SLC13A3: variants seen among roughly 807,000 people sequenced by gnomAD.
The protein encoded by SLC13A3 is solute carrier family 13 member 3.
Under a neutral mutation model 59.0 loss-of-function variants are expected in SLC13A3, and 40 were observed. The observed-to-expected ratio is 0.68, with a 90% CI of 0.53 to 0.88. The LOEUF (loss-of-function observed/expected upper bound fraction) is 0.88, where lower values mean the gene tolerates loss of function less well. Ranked by LOEUF, SLC13A3 falls within the 40% of genes least tolerant of loss-of-function variation. SLC13A3 has a pLI of 0.00. For missense variants in SLC13A3, 699 were observed against 783.2 expected (o/e 0.89, Z 1.28); for synonymous variants, 317 against 330.3 (o/e 0.96, Z 0.44).
At chr20:46,609,029 C>T (rs1396899548) in intron 3 of SLC13A3, 3 of 1,550,424 alleles carry the variant, frequency 1.9e-6, no homozygotes, top group East Asian at 4.9e-5. Context: ...TCAGCCTTTC[C>T]TCAGAGAGGA....
At chr20:46,664,557 A>G (rs1215508187) in intron 1 of SLC13A3, among the ~76,000 whole-genome samples, 8 of 152,366 alleles carry the variant, frequency 5.3e-5, no homozygotes, top group Admixed American at 5.2e-4. Flanking sequence ...TAAGACTAAA[A>G]AATTAAAATC....
chr20:46,606,341 G>A (rs982590017), intron 3 of SLC13A3, among the ~76,000 whole-genome samples: 4 of 152,188 alleles, frequency 2.6e-5, no homozygotes, highest in Non-Finnish European at 4.4e-5. Flanking sequence ...CGTTTCTCAC[G>A]TAAGAGGCAG....
At chr20:46,564,227 T>C (rs975544204) in intron 11 of SLC13A3, among the ~76,000 whole-genome samples, 1 of 152,264 alleles carries the variant, frequency 6.6e-6, no homozygotes. Context: ...AGAGCATCTG[T>C]TGGCAGCTCT....
rs527570496 is a variant in SLC13A3, at chr20:46,676,982, C to T, written c.-31+7414G>A. On this transcript the variant is annotated intron_variant, in intron 1 of 6. Transcript: ENST00000372121. ...CCAGGCTGGAGTGCAGTGGCGATCT[C>T]GGCTCACTGCAACCCCCATCTCCTG... Among the ~76,000 whole-genome samples the T allele has an allele frequency of 5.3e-5, 8 of 152,326 alleles. No homozygotes were observed. The East Asian group carries it at 1.4e-3, about 26-fold the overall frequency.
At chr20:46,592,611 G>A in intron 5 of SLC13A3, 82 bp from the exon 6 acceptor site, 2 of 1,420,990 alleles carry the variant, frequency 1.4e-6, no homozygotes, top group Non-Finnish European at 2.0e-6. Context: ...GGCAGTACTA[G>A]TAGCAGCGGG....
chr20:46,563,013 C>T (rs2061944230), intron 12 of SLC13A3, among the ~76,000 whole-genome samples: 1 of 152,190 alleles, frequency 6.6e-6, no homozygotes, highest in African/African-American at 2.4e-5. Flanking sequence ...CTGGGCCCTG[C>T]TGAAAGCTGG....
intron 10 of SLC13A3, among the ~76,000 whole-genome samples, chr20:46,572,174 C>A (rs1438708496): frequency 6.6e-6 from 1 of 152,144 alleles, no homozygotes; most frequent in African/African-American, 2.4e-5. Context: ...GCCCACACAC[C>A]CAGGCTCACC....
At chr20:46,590,020 T>G (rs1372218170) in intron 6 of SLC13A3, among the ~76,000 whole-genome samples, 1 of 152,186 alleles carries the variant, frequency 6.6e-6, no homozygotes, top group East Asian at 1.9e-4. Context: ...GGCAACAGTT[T>G]CTTCAATATT....
intron 1 of SLC13A3, among the ~76,000 whole-genome samples, chr20:46,626,966 A>G (rs847073): frequency 0.68 from 103,869 of 152,048 alleles, 37,093 homozygotes; most frequent in African/African-American, 0.89. Context: ...CCCCTCCAGG[A>G]AGTCCATCTC....
intron 1 of SLC13A3, among the ~76,000 whole-genome samples, chr20:46,647,438 C>T (rs917972790): frequency 6.6e-6 from 1 of 152,094 alleles, no homozygotes; most frequent in African/African-American, 2.4e-5. Context: ...CCATCTGTGC[C>T]CACTAGCTAA....
intron 1 of SLC13A3, among the ~76,000 whole-genome samples, chr20:46,639,110 A>G (rs924587028): frequency 5.3e-5 from 8 of 151,116 alleles, no homozygotes; most frequent in Admixed American, 4.6e-4. Flanking sequence ...AAGCACGAAG[A>G]GGTTAAGTAA....
At chr20:46,613,422 C>T (rs779901399) in intron 2 of SLC13A3, 38 bp downstream of exon 2, 4 of 1,521,494 alleles carry the variant, frequency 2.6e-6, no homozygotes, top group African/African-American at 2.8e-5. Flanking sequence ...GTCCCTCTGC[C>T]TCTCCGCTGT....
chr20:46,642,204 A>G (rs566396192), intron 1 of SLC13A3, among the ~76,000 whole-genome samples: 175 of 152,174 alleles, frequency 1.1e-3, no homozygotes, highest in Non-Finnish European at 2.1e-3. Flanking sequence ...CTGTGTGTTT[A>G]TCATACCCAA....
chr20:46,680,248 G>T (rs1280833862), intron 1 of SLC13A3, among the ~76,000 whole-genome samples: 3 of 152,152 alleles, frequency 2.0e-5, no homozygotes, highest in African/African-American at 4.8e-5. Flanking sequence ...GGGAAAGTGC[G>T]TCTTGTCTAC....
At chr20:46,582,382 C>T (rs944005181) in intron 9 of SLC13A3, among the ~76,000 whole-genome samples, 2 of 151,850 alleles carry the variant, frequency 1.3e-5, no homozygotes, top group Non-Finnish European at 2.9e-5. Flanking sequence ...CCCGCCTCAG[C>T]CTCCCAAAGT....
chr20:46,597,330 A>G (rs1270629118), intron 4 of SLC13A3, among the ~76,000 whole-genome samples: 1 of 152,250 alleles, frequency 6.6e-6, no homozygotes, highest in Non-Finnish European at 1.5e-5. Context: ...TCCATTAAAT[A>G]AAATAGGTAT....
chr20:46,661,142 T>G (rs1301872378), intron 1 of SLC13A3, among the ~76,000 whole-genome samples: 1 of 152,236 alleles, frequency 6.6e-6, no homozygotes, highest in African/African-American at 2.4e-5. Context: ...CTTTAATGAC[T>G]GTCACATTTT....
Position 46,558,792 on chromosome 20 carries a change from G to T in SLC13A3, c.*1230C>A, listed in dbSNP as rs537296540. Reference sequence around the variant, plus strand: ...AGGAAAGGGAAGTGTGACGAGTCAGGGCCCCTGGGCTGGTGTCTTTTCCAA... The same window carrying T: ...AGGAAAGGGAAGTGTGACGAGTCAGTGCCCCTGGGCTGGTGTCTTTTCCAA... On this transcript the variant is annotated 3_prime_UTR_variant, in exon 13 of 13. Coordinates refer to ENST00000279027, the MANE Select transcript of SLC13A3 (RefSeq NM_022829.6). 1 of 152,110 alleles carries T rather than the reference G, an allele frequency of 6.6e-6. No homozygotes were observed. The highest frequency in any genetic ancestry group is 1.5e-5 in the Non-Finnish European group (1 of 68,074). 9.4% of individuals were successfully genotyped at this position (152,110 alleles called of 1,614,324 possible). A position where few individuals can be genotyped will look rare whatever the true frequency, so the allele number is the denominator to read the frequency against.
chr20:46,682,882 C>T (rs567108925), intron 1 of SLC13A3, among the ~76,000 whole-genome samples: 1 of 152,122 alleles, frequency 6.6e-6, no homozygotes, highest in Non-Finnish European at 1.5e-5. Context: ...CCCCGGTGGA[C>T]GTCAAGGGAT....
Sources: gnomAD v4.1 joint callset for allele counts (sites outside exome capture counted in the v4.1 genomes callset) on GRCh38, gnomAD v4.1.1 for gene constraint, MANE v1.5 for transcripts, NCBI Gene and HGNC (gene_info 2026-07-23, HGNC 2026-07-21) for gene names.